The following DPP6 variants were observed in gnomAD, a reference collection of about 807,000 sequenced individuals.
DPP6 encodes dipeptidyl peptidase like 6, also known as A-type potassium channel modulatory protein DPP6.
Under a neutral mutation model 122.6 loss-of-function variants are expected in DPP6, and 69 were observed. The observed-to-expected ratio is 0.56, with a 90% confidence interval of 0.46 to 0.69. The LOEUF (loss-of-function observed/expected upper bound fraction) is 0.69. Ranked by LOEUF, DPP6 falls within the 30% of genes least tolerant of loss-of-function variation. The probability of loss-of-function intolerance (pLI) is 0.00; values close to 1 mark genes in which losing one functional copy is unlikely to be tolerated. For missense variants in DPP6, 928 were observed against 1,116.9 expected, an observed-to-expected ratio of 0.83 and a Z score of 2.41; for synonymous variants, 418 against 433.1, an observed-to-expected ratio of 0.97 and a Z score of 0.43.
chr7:154,031,457 A>G (rs1799224100), intron 1 of DPP6, among the ~76,000 whole-genome samples: 1 of 151,996 alleles, frequency 6.6e-6, no homozygotes, highest in South Asian at 2.1e-4. Flanking sequence ...TCTGTAGGCA[A>G]AATACACAGT....
At chr7:154,766,245 C>T (rs1019869579) in intron 8 of DPP6, among the ~76,000 whole-genome samples, 1 of 152,232 alleles carries the variant, frequency 6.6e-6, no homozygotes, top group African/African-American at 2.4e-5. Flanking sequence ...GAACTACCCT[C>T]TGCCATCACA....
intron 1 of DPP6, among the ~76,000 whole-genome samples, chr7:154,371,752 C>A (rs1487759677): frequency 6.6e-6 from 1 of 152,114 alleles, no homozygotes; most frequent in Non-Finnish European, 1.5e-5. Flanking sequence ...CGGGCAGATA[C>A]CTGTGACCCG....
At chr7:153,965,864 C>T (rs570532577) in intron 1 of DPP6, among the ~76,000 whole-genome samples, 3 of 144,302 alleles carry the variant, frequency 2.1e-5, no homozygotes, top group Admixed American at 6.9e-5. Context: ...AACCTGGAAA[C>T]GGGCTTGCTT....
chr7:154,168,339 A>T (rs1797359870), intron 1 of DPP6, among the ~76,000 whole-genome samples: 1 of 152,226 alleles, frequency 6.6e-6, no homozygotes. Context: ...AGGGCCACAG[A>T]GACAGACAGA....
In DPP6 at chr7:154,746,922, C is replaced by A. The variant is rs562897288; in HGVS notation, c.883+19035C>A. ...AGCTCTTCTCTAACTCAAGTATAAG[C>A]ACCCTATAACTGGAATTATGTCTTT... On this transcript the variant is annotated intron_variant, in intron 8 of 25. Coordinates refer to ENST00000377770, the MANE Select transcript of DPP6 (RefSeq NM_130797.4). Among the ~76,000 whole-genome samples, 5 of 152,326 alleles carry A rather than the reference C, an allele frequency of 3.3e-5. No homozygotes were observed. The East Asian group carries it at 9.7e-4, about 29-fold the overall frequency.
intron 1 of DPP6, among the ~76,000 whole-genome samples, chr7:154,251,367 A>G (rs981691935): frequency 1.3e-5 from 2 of 152,216 alleles, no homozygotes; most frequent in African/African-American, 2.4e-5. Context: ...TGAAGCCATT[A>G]AGGAACTGAC....
intron 10 of DPP6, among the ~76,000 whole-genome samples, chr7:154,779,300 A>ACCACCACCCCCACCATCGCCT (rs1563202030): frequency 4.9e-5 from 5 of 102,842 alleles, no homozygotes; most frequent in African/African-American, 6.8e-5. Context: ...CACTACTATC[A>ACCACCACCCCCACCATCGCCT]CCACCACCCC....
chr7:154,098,014 C>T (rs573834233), intron 1 of DPP6, among the ~76,000 whole-genome samples: 13 of 152,282 alleles, frequency 8.5e-5, no homozygotes, highest in Admixed American at 2.0e-4. Flanking sequence ...AGCCCAGACA[C>T]AAGACTCCAC....
upstream of DPP6, among the ~76,000 whole-genome samples, chr7:153,884,254 T>G (rs908737726): frequency 3.3e-5 from 5 of 152,182 alleles, no homozygotes; most frequent in Non-Finnish European, 5.9e-5. Context: ...AGTGAAAACA[T>G]GCGTTGTTTG....
intron 1 of DPP6, among the ~76,000 whole-genome samples, chr7:153,902,816 A>G (rs1200774028): frequency 2.0e-5 from 3 of 152,104 alleles, no homozygotes; most frequent in Non-Finnish European, 4.4e-5. Flanking sequence ...AGCCTGGGTA[A>G]CAAGAGTGAA....
At chr7:154,660,159 G>C (rs1353475534) in intron 6 of DPP6, among the ~76,000 whole-genome samples, 2 of 152,274 alleles carry the variant, frequency 1.3e-5, no homozygotes, top group Non-Finnish European at 2.9e-5. Flanking sequence ...AGTGGAATTA[G>C]TGAATCACCA....
the DPP6 span, among the ~76,000 whole-genome samples, chr7:153,873,196 T>C: frequency 3.5e-4 from 53 of 152,242 alleles, no homozygotes; most frequent in African/African-American, 1.2e-3. Flanking sequence ...ATGGGAATCA[T>C]GTGTGAGAAC....
At chr7:154,215,588 T>C (rs1261986293) in intron 1 of DPP6, among the ~76,000 whole-genome samples, 1 of 152,170 alleles carries the variant, frequency 6.6e-6, no homozygotes, top group Non-Finnish European at 1.5e-5. Flanking sequence ...TCCCAGTAGA[T>C]TGATAATGGC....
chr7:153,895,722 A>C (rs1733478165), intron 1 of DPP6, among the ~76,000 whole-genome samples: 1 of 96,166 alleles, frequency 1.0e-5, no homozygotes, highest in African/African-American at 3.8e-5. Context: ...ATGCATGTGC[A>C]TGCGTGCACA....
chr7:154,871,472 CTTTAT>C (rs1298088289), intron 18 of DPP6, among the ~76,000 whole-genome samples: 1 of 152,146 alleles, frequency 6.6e-6, no homozygotes, highest in Admixed American at 6.5e-5. Flanking sequence ...TAATGCTTTT[CTTTAT>C]TTTATTTTAT....
At chr7:154,057,054 G>A (rs558788518) in intron 1 of DPP6, among the ~76,000 whole-genome samples, 3 of 152,350 alleles carry the variant, frequency 2.0e-5, no homozygotes, top group Non-Finnish European at 4.4e-5. Context: ...GAGTTGCAAT[G>A]TTGCCCTCTC....
chr7:154,207,300 T>TGTCCATG (rs1205057180), intron 1 of DPP6, among the ~76,000 whole-genome samples: 2 of 152,232 alleles, frequency 1.3e-5, no homozygotes, highest in Non-Finnish European at 2.9e-5. Flanking sequence ...ATGCCGTTGG[T>TGTCCATG]GTCCATGTAG....
chr7:153,962,243 T>C (rs569486242), intron 1 of DPP6, among the ~76,000 whole-genome samples: 1 of 152,232 alleles, frequency 6.6e-6, no homozygotes, highest in East Asian at 1.9e-4. Context: ...AGACTAGTCC[T>C]GTGAAACGGT....
intron 3 of DPP6, among the ~76,000 whole-genome samples, chr7:154,503,632 G>A (rs1825430426): frequency 6.6e-6 from 1 of 152,104 alleles, no homozygotes; most frequent in Non-Finnish European, 1.5e-5. Flanking sequence ...CAGTAAAGGA[G>A]CATTTCAAGA....
Sources: allele counts gnomAD v4.1 joint callset (sites outside exome capture counted in the v4.1 genomes callset), GRCh38; gene constraint gnomAD v4.1.1; transcripts MANE v1.5; gene names NCBI Gene and HGNC (gene_info 2026-07-23, HGNC 2026-07-21).